Variants in KIAA1755 observed in about 807,000 individuals in gnomAD.
KIAA1755 encodes KIAA1755.
Under a neutral mutation model 91.7 loss-of-function variants are expected in KIAA1755, and 68 were observed. The observed-to-expected ratio is 0.74, with a 90% CI of 0.61 to 0.91. The LOEUF is 0.91. Among genes scored for constraint, KIAA1755 ranks in the 40% least tolerant of loss-of-function variants. The pLI is 0.00. For missense variants in KIAA1755, 1,535 were observed against 1,494.4 expected (o/e 1.03, Z -0.45); for synonymous variants, 610 against 604.6 (o/e 1.01, Z -0.13).
At chr20:38,257,031 C>T (rs2076350763) in intron 1 of KIAA1755, among the ~76,000 whole-genome samples, 1 of 152,160 alleles carries the variant, frequency 6.6e-6, no homozygotes, top group Non-Finnish European at 1.5e-5. Context: ...TGAGCAACCT[C>T]CTGCCCACCC....
rs2076431566 is a variant in KIAA1755, at chr20:38,260,553, C to T, written c.-53G>A. 4.7e-6 allele frequency: 7 copies of T among 1,481,360 alleles called. No homozygotes were observed. In the South Asian group the frequency reaches 1.0e-4, roughly 21 times the overall value. The allele number at this position is 1,481,360 out of a possible 1,614,324, so 91.8% of individuals were successfully genotyped here. ...GCGGCTCCTCTCCTGGGCGCGGGGT[C>T]TGTGGGTCCGCGGGTCCGTCTGTCT... On this transcript the variant is annotated 5_prime_UTR_variant, in exon 1 of 14. Coordinates refer to ENST00000279024, the MANE Select transcript of KIAA1755 (RefSeq NM_001029864.2).
Position 38,213,156 on chromosome 20 carries a change from G to C in KIAA1755, c.3489C>G (p.Pro1163=), listed in dbSNP as rs1273176444. Residue 1163 remains proline (P), a synonymous_variant, in exon 14 of 14, where the codon CCC becomes CCG. Transcript: ENST00000279024. ...LLATTFFRQQ[P]PRQSQVPRLT... Reference sequence around the variant, plus strand: ...GGCGAGGGACCTGGCTCTGCCTGGGGGGCTGCTGCCGGAAGAAGGTGGTGG... The same window carrying C: ...GGCGAGGGACCTGGCTCTGCCTGGGCGGCTGCTGCCGGAAGAAGGTGGTGG... 1 of 1,613,570 alleles carries C rather than the reference G, an allele frequency of 6.2e-7. No homozygotes were observed. Among genetic ancestry groups the C allele is most frequent in the Admixed American group, 1.7e-5 (1 of 59,992 alleles).
chr20:38,218,175 G>A (rs2075585373), intron 12 of KIAA1755, 69 bp downstream of exon 12: 2 of 1,597,958 alleles, frequency 1.3e-6, no homozygotes, highest in African/African-American at 2.7e-5. Flanking sequence ...GCTTTGCCCT[G>A]GCAGTGCCAC....
rs1028558547 is a variant in KIAA1755 at position 38,213,434 on chromosome 20, T to C, written c.3211A>G (p.Arg1071Gly). The C allele has an allele frequency of 6.2e-7, 1 of 1,601,700 alleles. No individual in the cohort carries two copies. The highest frequency in any genetic ancestry group is 1.7e-4 in the Middle Eastern group (1 of 6,046). The change falls in exon 14 of 14, where the codon AGA (arginine) becomes GGA (glycine). Residue 1071 changes from arginine (R) to glycine (G), a missense_variant. By Grantham distance (125) the Arg-to-Gly change is moderately radical. Coordinates refer to ENST00000279024, the MANE Select transcript of KIAA1755 (RefSeq NM_001029864.2). ...CCCTGGCCCTTGGCTGCCACCCCTC[T>C]TCGTTCTGGGCGCGCTGAGTGAGCA... ...PAAHSARPER[R>G]GVAAKGQGVS...
Position 38,241,792 on chromosome 20 carries a change from C to T in KIAA1755, c.339G>A (p.Glu113=). 1.2e-6 allele frequency: 2 copies of T among 1,614,190 alleles called. No individual in the cohort carries two copies. The highest frequency in any genetic ancestry group is 1.6e-4 in the Middle Eastern group (1 of 6,062). The part of the protein sequence containing the change: ...GDFYLQVEPQ[E]EQSVCIMIKC... ...TGATCATGATGCAGACAGACTGCTCCTCCTGGGGCTCCACTTGGAGGTAGA... is the reference window on the plus strand; with the variant it reads ...TGATCATGATGCAGACAGACTGCTCTTCCTGGGGCTCCACTTGGAGGTAGA... The change falls in exon 3 of 14, where the codon GAG becomes GAA. Residue 113 remains glutamate (E), a synonymous_variant. Transcript: ENST00000279024.
chr20:38,251,647 C>T lies in KIAA1755; in HGVS notation c.4-5521G>A, dbSNP rs573208560. ...GTGATGCAATCTTGGCTCACTGCAA[C>T]CTCCGCCTCCCGGGCTCAAGTGATT... On this transcript the variant is annotated intron_variant, in intron 1 of 13. Transcript: ENST00000279024. 2.0e-5 allele frequency among the ~76,000 whole-genome samples: 3 copies of T among 151,160 alleles called. No individual in the cohort carries two copies. The East Asian group carries it at 5.9e-4, about 30-fold the overall frequency.
chr20:38,214,151 T>C (rs1474929348), intron 13 of KIAA1755, among the ~76,000 whole-genome samples: 1 of 152,008 alleles, frequency 6.6e-6, no homozygotes, highest in African/African-American at 2.4e-5. Flanking sequence ...GGGTTTCACC[T>C]TGTTGGTCAG....
At position 38,260,535 on chromosome 20, in the gene KIAA1755, C is replaced by G; in HGVS notation, c.-35G>C. On this transcript the variant is annotated 5_prime_UTR_variant, in exon 1 of 14. Transcript: ENST00000279024. ...CTGCCAGCGGCGGGCGGCGCGGCTC[C>G]TCTCCTGGGCGCGGGGTCTGTGGGT... The G allele has an allele frequency of 6.7e-7, 1 of 1,481,628 alleles. No individual in the cohort carries two copies. Among genetic ancestry groups the G allele is most frequent in the Non-Finnish European group, 8.9e-7 (1 of 1,119,266 alleles). 91.8% of individuals were successfully genotyped at this position (1,481,628 alleles called of 1,614,324 possible). A position where few individuals can be genotyped will look rare whatever the true frequency, so the allele number is the denominator to read the frequency against.
At position 38,241,105 on chromosome 20, in the gene KIAA1755, G is replaced by A. The variant is rs1295708964; in HGVS notation, c.1026C>T (p.Ser342=). The change falls in exon 3 of 14, where the codon AGC becomes AGT. Residue 342 remains serine (S), a synonymous_variant. Coordinates refer to ENST00000279024, the MANE Select transcript of KIAA1755 (RefSeq NM_001029864.2). The part of the protein sequence containing the change: ...LGNRACTKPE[S]SEERPYNLGF... ...CCAAATTATAGGGCCTCTCCTCAGA[G>A]CTTTCTGGCTTTGTGCAAGCCCGAT... 3.1e-6 allele frequency: 5 copies of A among 1,614,008 alleles called. No homozygotes were observed. The African/African-American group carries it at 4.0e-5, about 13-fold the overall frequency.
At chr20:38,225,094 A>G (rs1413233457) in intron 8 of KIAA1755, among the ~76,000 whole-genome samples, 1 of 152,144 alleles carries the variant, frequency 6.6e-6, no homozygotes, top group African/African-American at 2.4e-5. Context: ...CCTGGGTTCA[A>G]GCAATTCTCA....
intron 5 of KIAA1755, among the ~76,000 whole-genome samples, chr20:38,228,481 C>G (rs1156999833): frequency 6.6e-6 from 1 of 152,218 alleles, no homozygotes; most frequent in Non-Finnish European, 1.5e-5. Flanking sequence ...GTTTATAGCC[C>G]TACTATTCCT....
intron 7 of KIAA1755, 152 bp downstream of exon 7, chr20:38,227,002 T>C (rs1455175700): frequency 3.5e-6 from 2 of 573,748 alleles, no homozygotes; most frequent in African/African-American, 3.8e-5. Flanking sequence ...TGGGGATTGG[T>C]AGCGCTTAGG....
chr20:38,238,512 G>T lies in KIAA1755; in HGVS notation c.1747+1016C>A, dbSNP rs1212297039. Among the ~76,000 whole-genome samples the T allele has an allele frequency of 2.6e-5, 4 of 152,118 alleles. No individual in the cohort carries two copies. The South Asian group carries it at 8.3e-4, about 32-fold the overall frequency. On this transcript the variant is annotated intron_variant, in intron 4 of 13. Coordinates refer to ENST00000279024, the MANE Select transcript of KIAA1755 (RefSeq NM_001029864.2). The stretch of plus-strand genomic sequence containing the variant: ...ATTCCTACTCATACCATAGGACTGG[G>T]CTTTACGTTACTTCCTCCGGGAAGT...
intron 4 of KIAA1755, chr20:38,233,438 C>G (rs1267311682): frequency 1.3e-5 from 2 of 151,990 alleles, no homozygotes; most frequent in Non-Finnish European, 2.9e-5. Context: ...GGTACAGGTC[C>G]CTCCAAAATC....
rs918945858 is a variant in KIAA1755 at position 38,212,524 on chromosome 20, C to T, written c.*518G>A. ...CTTTGCAGATTCGCCTCCTACTCCC[C>T]CAGCAGAGGTTCCTGGATCAGCACC... On this transcript the variant is annotated 3_prime_UTR_variant, in exon 14 of 14. Coordinates refer to ENST00000279024, the MANE Select transcript of KIAA1755 (RefSeq NM_001029864.2). 6.5e-6 allele frequency: 1 copy of T among 153,608 alleles called. No homozygotes were observed. Among genetic ancestry groups the T allele is most frequent in the African/African-American group, 2.4e-5 (1 of 41,482 alleles). 9.5% of individuals were successfully genotyped at this position (153,608 alleles called of 1,614,324 possible).
intron 1 of KIAA1755, chr20:38,260,246 A>G: frequency 6.5e-7 from 1 of 1,535,844 alleles, no homozygotes; most frequent in Non-Finnish European, 8.8e-7. Flanking sequence ...GGGGAATATT[A>G]AAGTTTACAA....
intron 10 of KIAA1755, among the ~76,000 whole-genome samples, chr20:38,220,298 T>TTTA (rs2075634137): frequency 7.9e-6 from 1 of 126,004 alleles, no homozygotes; most frequent in African/African-American, 3.0e-5. Flanking sequence ...GATGTTTCCC[T>TTTA]TTTTTTTTTT....
Position 38,241,498 on chromosome 20 carries a change from C to T in KIAA1755, c.633G>A (p.Leu211=). The change falls in exon 3 of 14, where the codon TTG becomes TTA. Residue 211 remains leucine, a synonymous_variant. Coordinates refer to ENST00000279024, the MANE Select transcript of KIAA1755 (RefSeq NM_001029864.2). The part of the protein sequence containing the change: ...WGPLPLEALD[L]SSPQELHQAS... ...CCTGGTGCAACTCTTGAGGGCTGCT[C>T]AAATCCAGTGCCTCTAATGGAAGGG... is the stretch of plus-strand genomic sequence containing the variant. 6 of 1,614,210 alleles carry T rather than the reference C, an allele frequency of 3.7e-6. No individual in the cohort carries two copies. The highest frequency in any genetic ancestry group is 5.1e-6 in the Non-Finnish European group (6 of 1,180,032).
At chr20:38,246,962 G>T (rs529708366) in intron 1 of KIAA1755, among the ~76,000 whole-genome samples, 1 of 152,092 alleles carries the variant, frequency 6.6e-6, no homozygotes, top group Non-Finnish European at 1.5e-5. Context: ...CAGGTGCTCC[G>T]CGCTGTCCCC....
Sources: gnomAD v4.1 joint callset for allele counts (sites outside exome capture counted in the v4.1 genomes callset) on GRCh38, gnomAD v4.1.1 for gene constraint, MANE v1.5 for transcripts, NCBI Gene and HGNC (gene_info 2026-07-23, HGNC 2026-07-21) for gene names.